The following ARHGAP6 variants were observed in gnomAD, a reference collection of about 807,000 sequenced individuals.
ARHGAP6 encodes Rho GTPase activating protein 6, also known as rho GTPase-activating protein 6.
In ARHGAP6, 16 loss-of-function variants were observed where a neutral mutation model predicts 55.7. That is an observed-to-expected ratio of 0.29 (90% CI 0.19 to 0.44). ARHGAP6 has a LOEUF of 0.44. Among genes scored for constraint, ARHGAP6 ranks in the 20% least tolerant of loss-of-function variants. ARHGAP6 has a pLI of 1.00. For missense variants in ARHGAP6, 698 were observed against 808.9 expected (o/e 0.86, Z 1.66); for synonymous variants, 382 against 360.9 (o/e 1.06, Z -0.66).
intron 1 of ARHGAP6, among the ~76,000 whole-genome samples, chrX:11,264,922 A>G (rs2047604931): frequency 8.9e-6 from 1 of 112,528 alleles, no homozygotes; most frequent in African/African-American, 3.2e-5. Context: ...TGAGGCACAG[A>G]ACTTAAGTAA....
intron 2 of ARHGAP6, among the ~76,000 whole-genome samples, chrX:11,223,682 T>G (rs762223490): frequency 8.9e-6 from 1 of 112,041 alleles, no homozygotes; most frequent in African/African-American, 3.2e-5. Context: ...CACTATTCCT[T>G]TTAGAAAATC....
intron 1 of ARHGAP6, among the ~76,000 whole-genome samples, chrX:11,660,927 G>T (rs974981732): frequency 6.3e-5 from 7 of 111,173 alleles, no homozygotes; most frequent in Non-Finnish European, 1.3e-4. Flanking sequence ...CCCTCATTCT[G>T]CTGATCTTCT....
intron 1 of ARHGAP6, among the ~76,000 whole-genome samples, chrX:11,323,472 T>C (rs1048735578): frequency 8.9e-6 from 1 of 111,963 alleles, no homozygotes; most frequent in African/African-American, 3.2e-5. Flanking sequence ...ATGGTGAAGA[T>C]TGGGTGGAAG....
intron 1 of ARHGAP6, chrX:11,298,121 A>G: frequency 1.7e-6 from 2 of 1,211,762 alleles, no homozygotes; most frequent in African/African-American, 3.5e-5. Context: ...TTCTCAGGCT[A>G]TCAATGTTGA....
At chrX:11,500,312 C>T (rs1190420236) in intron 1 of ARHGAP6, among the ~76,000 whole-genome samples, 1 of 110,591 alleles carries the variant, frequency 9.0e-6, no homozygotes, top group East Asian at 2.8e-4. Flanking sequence ...ATAAAATACC[C>T]TTTTCCAAAG....
intron 1 of ARHGAP6, among the ~76,000 whole-genome samples, chrX:11,660,431 G>A (rs1327056019): frequency 9.5e-6 from 1 of 105,439 alleles, no homozygotes; most frequent in East Asian, 3.0e-4. Context: ...TACTGGGGAG[G>A]CTGAGGCAGG....
At chrX:11,377,386 G>C (rs929897991) in intron 1 of ARHGAP6, among the ~76,000 whole-genome samples, 13 of 112,324 alleles carry the variant, frequency 1.2e-4, no homozygotes, top group Non-Finnish European at 2.3e-4. Flanking sequence ...ATTAGTGTTT[G>C]CAAGGGCTGG....
At chrX:11,651,167 A>G (rs1215786806) in intron 1 of ARHGAP6, among the ~76,000 whole-genome samples, 2 of 111,594 alleles carry the variant, frequency 1.8e-5, no homozygotes, top group Non-Finnish European at 3.8e-5. Context: ...TTTGGGGTAC[A>G]TGTGCAAGTT....
chrX:11,196,701 C>T (rs1310991435), intron 3 of ARHGAP6, among the ~76,000 whole-genome samples: 2 of 111,529 alleles, frequency 1.8e-5, no homozygotes, highest in Non-Finnish European at 3.8e-5. Context: ...ACAAACTTGG[C>T]CGAGGTCACA....
intron 1 of ARHGAP6, among the ~76,000 whole-genome samples, chrX:11,487,707 G>C (rs1232017885): frequency 9.0e-6 from 1 of 111,572 alleles, no homozygotes; most frequent in Non-Finnish European, 1.9e-5. Flanking sequence ...GGGACCCTTT[G>C]AGCATCAAAA....
At chrX:11,180,897 G>A (rs952224696) in intron 6 of ARHGAP6, among the ~76,000 whole-genome samples, 5 of 112,319 alleles carry the variant, frequency 4.5e-5, no homozygotes, top group East Asian at 2.8e-4. Context: ...CTGAGTATAC[G>A]TACATGCAGA....
In ARHGAP6 at chrX:11,156,653, A is replaced by C. The variant is rs771004479; in HGVS notation, c.1810-27T>G. ...TGAAGGAGCCAAATGTTGAGGCATA[A>C]ATAAAACCATTCCAGAAACAGGCAA... On this transcript the variant is annotated intron_variant, in intron 9 of 12. Coordinates refer to ENST00000337414, the MANE Select transcript of ARHGAP6 (RefSeq NM_013427.3). 2.7e-5 allele frequency: 30 copies of C among 1,116,628 alleles called. No individual in the cohort carries two copies. The South Asian group carries it at 5.3e-4, about 20-fold the overall frequency. The allele number at this position is 1,116,628 out of a possible 1,213,427, so 92.0% of individuals were successfully genotyped here.
At chrX:11,429,391 T>C (rs941547237) in intron 1 of ARHGAP6, among the ~76,000 whole-genome samples, 1 of 112,286 alleles carries the variant, frequency 8.9e-6, no homozygotes, top group African/African-American at 3.2e-5. Flanking sequence ...AAATGATCTA[T>C]ATCTTGATCT....
At chrX:11,212,841 C>T (rs778806869) in intron 2 of ARHGAP6, among the ~76,000 whole-genome samples, 2 of 111,942 alleles carry the variant, frequency 1.8e-5, no homozygotes, top group Non-Finnish European at 3.8e-5. Context: ...ATATATAGGA[C>T]CTGTAGATGC....
chrX:11,581,297 G>C (rs1177907522), intron 1 of ARHGAP6, among the ~76,000 whole-genome samples: 1 of 111,898 alleles, frequency 8.9e-6, no homozygotes, highest in African/African-American at 3.2e-5. Flanking sequence ...TGAAAGTGTG[G>C]AGAAATTGGA....
intron 1 of ARHGAP6, among the ~76,000 whole-genome samples, chrX:11,577,580 C>T (rs962215433): frequency 8.9e-6 from 1 of 111,807 alleles, no homozygotes; most frequent in Non-Finnish European, 1.9e-5. Context: ...AGGTACTTGC[C>T]ATCAGGTGTG....
At chrX:11,554,330 G>A (rs967372192) in intron 1 of ARHGAP6, among the ~76,000 whole-genome samples, 26 of 112,118 alleles carry the variant, frequency 2.3e-4, no homozygotes, top group African/African-American at 8.1e-4. Flanking sequence ...GTTGGTTCAT[G>A]TGTGCAAACA....
chrX:11,502,775 T>C (rs906458684), intron 1 of ARHGAP6, among the ~76,000 whole-genome samples: 2 of 112,597 alleles, frequency 1.8e-5, no homozygotes, highest in African/African-American at 6.5e-5. Flanking sequence ...GTATAATTCA[T>C]ATAACATACA....
chrX:11,347,155 A>G (rs190232020), intron 1 of ARHGAP6, among the ~76,000 whole-genome samples: 95 of 112,580 alleles, frequency 8.4e-4, no homozygotes, highest in Middle Eastern at 4.7e-3. Flanking sequence ...AGGCAAAAAT[A>G]TTTCCCTTTT....
Sources: allele counts gnomAD v4.1 joint callset (sites outside exome capture counted in the v4.1 genomes callset), GRCh38; gene constraint gnomAD v4.1.1; transcripts MANE v1.5; gene names NCBI Gene and HGNC (gene_info 2026-07-23, HGNC 2026-07-21).